Variants in TBL1X observed in about 807,000 individuals in gnomAD.
TBL1X encodes transducin beta like 1 X-linked.
Under a neutral mutation model 50.7 loss-of-function variants are expected in TBL1X, and 10 were observed. The observed-to-expected ratio is 0.20, with a 90% CI of 0.12 to 0.33. The LOEUF is 0.33. Ranked by LOEUF, TBL1X falls within the 10% of genes least tolerant of loss-of-function variation. The pLI is 1.00. For synonymous variants in TBL1X, 190 were observed against 214.7 expected (o/e 0.88, Z 1.01); for missense variants, 340 against 504.4 (o/e 0.67, Z 3.12).
In TBL1X at chrX:9,693,408, G is replaced by A. The variant is rs752601714; in HGVS notation, c.1042G>A (p.Gly348Ser). The change falls in exon 11 of 18, where the codon GGT becomes AGT. Residue 348 changes from glycine (G) to serine (S), a missense_variant. Physicochemically the swap from Gly to Ser is moderately conservative, Grantham distance 56 (BLOSUM62 0). Transcript: ENST00000645353. ...NRKGNYILSA[G>S]VDKTTIIWDA... is the part of the protein sequence containing the mutation. ...AAAGGGGAATTACATTTTGAGTGCT[G>A]GTGTAGACAAAGTGAGTATTAGCTG... 3 of 1,205,795 alleles carry A rather than the reference G, an allele frequency of 2.5e-6. No homozygotes were observed. Among genetic ancestry groups the A allele is most frequent in the Non-Finnish European group, 3.4e-6 (3 of 891,186 alleles).
At position 9,615,041 on chromosome X, in the gene TBL1X, C is replaced by T. The variant is rs112672237; in HGVS notation, c.-130-25232C>T. Reference sequence around the variant, plus strand: ...GTCATTCGCAGCTATAATGGTGATCCTCAGTCACCGGGACTCTGGGATTGC... The same window carrying T: ...GTCATTCGCAGCTATAATGGTGATCTTCAGTCACCGGGACTCTGGGATTGC... On this transcript the variant is annotated intron_variant, in intron 2 of 17. Transcript: ENST00000645353. Among the ~76,000 whole-genome samples the T allele has an allele frequency of 6.4e-3, 711 of 111,661 alleles. 5 individuals carry two copies. The highest frequency in any genetic ancestry group is 0.011 in the Non-Finnish European group (573 of 53,059).
chrX:9,464,332 A>C (rs909423268), upstream of TBL1X, among the ~76,000 whole-genome samples: 1 of 111,526 alleles, frequency 9.0e-6, no homozygotes, highest in Non-Finnish European at 1.9e-5. Context: ...CAACCTCCTC[A>C]GCCCCCACAC....
intron 1 of TBL1X, among the ~76,000 whole-genome samples, chrX:9,469,164 T>TTTTG (rs59630737): frequency 0.29 from 31,054 of 108,715 alleles, 3,823 homozygotes; most frequent in Non-Finnish European, 0.35. Flanking sequence ...AACATGCCTT[T>TTTTG]TTTGTTTGTT....
At chrX:9,504,930 G>C (rs1312482903) in intron 2 of TBL1X, among the ~76,000 whole-genome samples, 1 of 111,629 alleles carries the variant, frequency 9.0e-6, no homozygotes, top group African/African-American at 3.3e-5. Context: ...TACCAAGACA[G>C]GCCAACCTGC....
chrX:9,611,925 G>T (rs2082615765), intron 2 of TBL1X, among the ~76,000 whole-genome samples: 1 of 112,347 alleles, frequency 8.9e-6, no homozygotes, highest in Non-Finnish European at 1.9e-5. Flanking sequence ...CGTGCAGCCT[G>T]CCAGGTCAGC....
chrX:9,477,548 C>T (rs1359129991), intron 1 of TBL1X, among the ~76,000 whole-genome samples: 3 of 112,002 alleles, frequency 2.7e-5, no homozygotes, highest in Non-Finnish European at 5.6e-5. Flanking sequence ...TACTTTGTTC[C>T]ATTTGGCTTT....
chrX:9,602,942 C>T (rs1386209466), intron 2 of TBL1X, among the ~76,000 whole-genome samples: 2 of 112,439 alleles, frequency 1.8e-5, no homozygotes, highest in East Asian at 2.8e-4. Context: ...TGGGAGCAGT[C>T]GTTGTGAACG....
intron 2 of TBL1X, among the ~76,000 whole-genome samples, chrX:9,558,476 C>T (rs1338949828): frequency 9.2e-6 from 1 of 108,785 alleles, no homozygotes; most frequent in Non-Finnish European, 1.9e-5. Context: ...GAGATCTTGC[C>T]GTTGCACTCC....
chrX:9,664,514 T>G (rs1179392362), intron 5 of TBL1X, among the ~76,000 whole-genome samples: 1 of 110,605 alleles, frequency 9.0e-6, no homozygotes, highest in Non-Finnish European at 1.9e-5. Context: ...GGACATTGCT[T>G]GAATGTTTGC....
intron 2 of TBL1X, among the ~76,000 whole-genome samples, chrX:9,520,317 G>GC (rs1179618743): frequency 9.0e-6 from 1 of 111,300 alleles, no homozygotes; most frequent in Non-Finnish European, 1.9e-5. Context: ...ACCGCCCCCC[G>GC]CCCCCCACCG....
At chrX:9,490,748 TAA>T (rs2081936884) in intron 1 of TBL1X, among the ~76,000 whole-genome samples, 1 of 112,166 alleles carries the variant, frequency 8.9e-6, no homozygotes, top group African/African-American at 3.2e-5. Context: ...CTTCTGTAAT[TAA>T]AAAATATGTT....
intron 11 of TBL1X, among the ~76,000 whole-genome samples, chrX:9,694,699 C>T (rs778117904): frequency 1.8e-5 from 2 of 111,868 alleles, no homozygotes; most frequent in South Asian, 7.3e-4. Flanking sequence ...GTTGGCCGGT[C>T]GTGGTGGCTC....
chrX:9,625,260 G>A (rs1005567619), intron 2 of TBL1X, among the ~76,000 whole-genome samples: 1 of 112,408 alleles, frequency 8.9e-6, no homozygotes, highest in Non-Finnish European at 1.9e-5. Flanking sequence ...GAACACAACA[G>A]CATTCCAATG....
At chrX:9,479,032 T>C (rs1321374510) in intron 1 of TBL1X, among the ~76,000 whole-genome samples, 1 of 113,082 alleles carries the variant, frequency 8.8e-6, no homozygotes, top group East Asian at 2.8e-4. Context: ...AGCTGATATG[T>C]GTACAGATAC....
At chrX:9,690,650 T>C (rs774238049) in intron 7 of TBL1X, among the ~76,000 whole-genome samples, 1 of 112,057 alleles carries the variant, frequency 8.9e-6, no homozygotes, top group South Asian at 3.7e-4. Flanking sequence ...CATAGACAAT[T>C]TGAAAACATG....
At chrX:9,553,602 GCTAA>G (rs1216884463) in intron 2 of TBL1X, among the ~76,000 whole-genome samples, 1 of 111,513 alleles carries the variant, frequency 9.0e-6, no homozygotes, top group East Asian at 2.8e-4. Flanking sequence ...TGGGACTTTT[GCTAA>G]CTGTTTCTAT....
intron 5 of TBL1X, among the ~76,000 whole-genome samples, chrX:9,669,096 G>C (rs5979149): frequency 0.064 from 7,179 of 111,576 alleles, 593 homozygotes; most frequent in African/African-American, 0.22. Context: ...ATTATCTTCT[G>C]TTAACACTGA....
At chrX:9,636,409 A>G (rs1168381748) in intron 2 of TBL1X, 1 of 111,007 alleles carries the variant, frequency 9.0e-6, no homozygotes, top group Non-Finnish European at 1.9e-5. Context: ...TAAAAAAAAT[A>G]AGAATTTTTT....
chrX:9,532,484 T>C (rs2082167165), intron 2 of TBL1X, among the ~76,000 whole-genome samples: 1 of 111,575 alleles, frequency 9.0e-6, no homozygotes, highest in African/African-American at 3.3e-5. Flanking sequence ...TCTCCAGGAA[T>C]TGGAGAGGGA....
Sources: allele counts gnomAD v4.1 joint callset (sites outside exome capture counted in the v4.1 genomes callset), GRCh38; gene constraint gnomAD v4.1.1; transcripts MANE v1.5; gene names NCBI Gene and HGNC (gene_info 2026-07-23, HGNC 2026-07-21).